FRMPD4: variants seen among roughly 807,000 people sequenced by gnomAD.
FRMPD4 encodes the protein FERM and PDZ domain containing 4.
A neutral mutation model predicts 94.1 loss-of-function variants in FRMPD4; 22 were observed. The observed-to-expected ratio is 0.23, with a 90% CI of 0.17 to 0.33. The LOEUF (loss-of-function observed/expected upper bound fraction) is 0.33. Ranked by LOEUF, FRMPD4 falls within the 10% of genes least tolerant of loss-of-function variation. FRMPD4 has a pLI of 1.00. For synonymous variants in FRMPD4, 631 were observed against 548.6 expected, an observed-to-expected ratio of 1.15 and a Z score of -2.10; for missense variants, 1,111 against 1,339.9, an observed-to-expected ratio of 0.83 and a Z score of 2.67.
At chrX:12,313,248 T>C (rs1415428329) in intron 1 of FRMPD4, among the ~76,000 whole-genome samples, 7 of 111,950 alleles carry the variant, frequency 6.3e-5, no homozygotes, top group African/African-American at 2.3e-4. Context: ...GATTAGGAGG[T>C]AGAAGTCAGG....
At chrX:12,308,110 C>T (rs980086620) in intron 1 of FRMPD4, among the ~76,000 whole-genome samples, 1 of 111,875 alleles carries the variant, frequency 8.9e-6, no homozygotes, top group African/African-American at 3.3e-5. Flanking sequence ...CCAGCATGCT[C>T]CTGCTCCCTT....
intron 1 of FRMPD4, among the ~76,000 whole-genome samples, chrX:12,226,042 T>G (rs893207479): frequency 7.2e-5 from 8 of 111,607 alleles, no homozygotes; most frequent in African/African-American, 2.6e-4. Flanking sequence ...CCAAGAAGTT[T>G]TAGCCATTTA....
At chrX:12,508,918 G>A (rs1311521881) in intron 2 of FRMPD4, among the ~76,000 whole-genome samples, 1 of 103,410 alleles carries the variant, frequency 9.7e-6, no homozygotes, top group Non-Finnish European at 2.0e-5. Context: ...CTTGAACCCA[G>A]GAGGTGGAGA....
chrX:11,955,464 A>G (rs1327002712), intron 3 of FRMPD4, among the ~76,000 whole-genome samples: 1 of 103,570 alleles, frequency 9.7e-6, no homozygotes, highest in Non-Finnish European at 1.9e-5. Flanking sequence ...CCATCTCAAA[A>G]AAGTTAAATA....
chrX:12,078,411 G>T (rs2055037539), intron 3 of FRMPD4, among the ~76,000 whole-genome samples: 1 of 112,165 alleles, frequency 8.9e-6, no homozygotes, highest in African/African-American at 3.2e-5. Context: ...CTTGGGGTAT[G>T]AAGAATGAAA....
chrX:11,839,334 C>G (rs1257392347), intron 1 of FRMPD4, among the ~76,000 whole-genome samples: 1 of 111,400 alleles, frequency 9.0e-6, no homozygotes, highest in Non-Finnish European at 1.9e-5. Context: ...TTTTTATTTG[C>G]GTTTCCTTAA....
At chrX:12,681,881 C>T (rs1011514077) in intron 5 of FRMPD4, among the ~76,000 whole-genome samples, 4 of 111,482 alleles carry the variant, frequency 3.6e-5, no homozygotes, top group African/African-American at 1.3e-4. Flanking sequence ...CAACCATTGC[C>T]GCTACCTAGT....
chrX:12,645,190 GGTA>G (rs1241572789), intron 4 of FRMPD4, among the ~76,000 whole-genome samples: 8 of 109,270 alleles, frequency 7.3e-5, no homozygotes, highest in South Asian at 8.0e-4. Flanking sequence ...ATATTCATAC[GGTA>G]GTAGTCTCAT....
intron 1 of FRMPD4, among the ~76,000 whole-genome samples, chrX:12,262,064 T>G (rs1342604918): frequency 9.0e-6 from 1 of 110,938 alleles, no homozygotes; most frequent in African/African-American, 3.3e-5. Flanking sequence ...TGTAGCAGTT[T>G]GGGGCAGAAG....
At chrX:12,557,611 G>A (rs2058609666) in intron 2 of FRMPD4, among the ~76,000 whole-genome samples, 1 of 112,334 alleles carries the variant, frequency 8.9e-6, no homozygotes, top group African/African-American at 3.2e-5. Flanking sequence ...ATTGGAATAT[G>A]TTGAAAATGT....
At chrX:12,192,551 T>C (rs1305801950) in intron 1 of FRMPD4, among the ~76,000 whole-genome samples, 24 of 111,877 alleles carry the variant, frequency 2.1e-4, no homozygotes, top group East Asian at 2.8e-4. Context: ...TCTTTCACCT[T>C]GCCAGTCAAG....
intron 3 of FRMPD4, among the ~76,000 whole-genome samples, chrX:11,889,573 A>C (rs1401195956): frequency 8.9e-6 from 1 of 112,750 alleles, no homozygotes; most frequent in Non-Finnish European, 1.9e-5. Context: ...CTATGTGAGC[A>C]GAACATGTGT....
intron 3 of FRMPD4, among the ~76,000 whole-genome samples, chrX:11,889,076 G>C (rs1270658064): frequency 8.9e-6 from 1 of 112,370 alleles, no homozygotes; most frequent in African/African-American, 3.2e-5. Flanking sequence ...TTTTATTATT[G>C]ATGCTAAAAT....
intron 1 of FRMPD4, among the ~76,000 whole-genome samples, chrX:12,450,062 A>AT (rs1268015868): frequency 1.8e-5 from 2 of 110,503 alleles, no homozygotes; most frequent in South Asian, 3.9e-4. Flanking sequence ...CTGTGAAGAG[A>AT]TTTTCTAAAT....
intron 1 of FRMPD4, among the ~76,000 whole-genome samples, chrX:12,454,792 G>C (rs1041395129): frequency 9.8e-6 from 1 of 101,591 alleles, no homozygotes; most frequent in African/African-American, 3.5e-5. Context: ...AAGAAAGCAT[G>C]AGGTTTGGAG....
intron 3 of FRMPD4, among the ~76,000 whole-genome samples, chrX:12,018,401 CT>C (rs752619316): frequency 4.6e-5 from 5 of 109,105 alleles, no homozygotes; most frequent in African/African-American, 6.7e-5. Flanking sequence ...ATTTCCCCTT[CT>C]TTTTTTTTGT....
intron 3 of FRMPD4, among the ~76,000 whole-genome samples, chrX:12,104,182 C>A (rs995034854): frequency 1.2e-4 from 14 of 112,664 alleles, no homozygotes; most frequent in African/African-American, 3.5e-4. Context: ...GCAGAGCCCT[C>A]GTGACCTAAT....
At chrX:12,145,920 C>T (rs1009128480) in intron 1 of FRMPD4, among the ~76,000 whole-genome samples, 1 of 112,071 alleles carries the variant, frequency 8.9e-6, no homozygotes, top group Non-Finnish European at 1.9e-5. Flanking sequence ...TCAGCACTTA[C>T]AATACCACTT....
intron 3 of FRMPD4, among the ~76,000 whole-genome samples, chrX:12,117,979 A>C (rs2055423338): frequency 9.0e-6 from 1 of 111,184 alleles, no homozygotes; most frequent in East Asian, 2.8e-4. Flanking sequence ...CCTGTTTCCC[A>C]CCTTATATTT....
Sources: gnomAD v4.1 joint callset for allele counts (sites outside exome capture counted in the v4.1 genomes callset) on GRCh38, gnomAD v4.1.1 for gene constraint, MANE v1.5 for transcripts, NCBI Gene and HGNC (gene_info 2026-07-23, HGNC 2026-07-21) for gene names.